Variants in TPH2 observed in about 807,000 individuals in gnomAD.
TPH2 encodes tryptophan 5-hydroxylase 2.
In TPH2, 27 loss-of-function variants were observed where a neutral mutation model predicts 59.1. The ratio of observed to expected loss-of-function variants is 0.46; its 90% CI spans 0.34 to 0.63. The LOEUF is 0.63. TPH2 is among the 30% of genes least tolerant of loss of function. The pLI, the probability that TPH2 is intolerant of heterozygous loss-of-function variation, is 0.01. For synonymous variants in TPH2, 220 were observed against 210.5 expected (o/e 1.05, Z -0.39); for missense variants, 523 against 588.3 (o/e 0.89, Z 1.15).
At chr12:71,990,815 C>T (rs911335861) in intron 7 of TPH2, among the ~76,000 whole-genome samples, 3 of 152,268 alleles carry the variant, frequency 2.0e-5, no homozygotes, top group Non-Finnish European at 2.9e-5. Flanking sequence ...AGGGTCTCTG[C>T]GTGGAAATGG....
intron 8 of TPH2, among the ~76,000 whole-genome samples, chr12:71,997,730 A>G (rs1203095258): frequency 2.0e-5 from 3 of 151,778 alleles, no homozygotes; most frequent in African/African-American, 7.2e-5. Context: ...TTAAATGGCT[A>G]AAGGATCCTA....
intron 7 of TPH2, among the ~76,000 whole-genome samples, chr12:71,992,556 A>T (rs1473490027): frequency 6.6e-6 from 1 of 151,946 alleles, no homozygotes; most frequent in Non-Finnish European, 1.5e-5. Flanking sequence ...ATGAGCTGTG[A>T]TTGCACTACT....
chr12:71,953,187 C>T (rs1871399292), intron 5 of TPH2, among the ~76,000 whole-genome samples: 1 of 151,436 alleles, frequency 6.6e-6, no homozygotes, highest in South Asian at 2.1e-4. Flanking sequence ...ACATGGGAAG[C>T]TGCCAAAATA....
intron 7 of TPH2, among the ~76,000 whole-genome samples, chr12:71,982,015 A>AATTTTTTTTTTTTTTTTTTTTTTT (rs1183784824): frequency 5.0e-5 from 3 of 60,506 alleles, no homozygotes; most frequent in Non-Finnish European, 1.0e-4. Context: ...TATCATTCGT[A>AATTTTTTTTTTTTTTTTTTTTTTT]TTTTTTTTTT....
intron 5 of TPH2, among the ~76,000 whole-genome samples, chr12:71,965,980 T>C (rs981938909): frequency 6.6e-6 from 1 of 152,158 alleles, no homozygotes; most frequent in South Asian, 2.1e-4. Flanking sequence ...TCTTGAGTGA[T>C]GAATTCCTTT....
rs1184653066 is a variant in TPH2 at position 72,032,078 on chromosome 12, C to T, written c.*383C>T. ...GTTCATTAGATAAAATGAAAAAAAG[C>T]AGTGAAGCTGTTTCCATTTTCAATA... On this transcript the variant is annotated 3_prime_UTR_variant, in exon 11 of 11. Coordinates refer to ENST00000333850, the MANE Select transcript of TPH2 (RefSeq NM_173353.4). The T allele has an allele frequency of 8.7e-6, 2 of 229,222 alleles. No homozygotes were observed. Among genetic ancestry groups the T allele is most frequent in the Non-Finnish European group, 1.8e-5 (2 of 113,846 alleles). The allele number at this position is 229,222 out of a possible 1,614,324, so 14.2% of individuals were successfully genotyped here. A position where few individuals can be genotyped will look rare whatever the true frequency, so the allele number is the denominator to read the frequency against.
chr12:71,977,526 T>A (rs1177873994), intron 6 of TPH2, among the ~76,000 whole-genome samples: 1 of 152,164 alleles, frequency 6.6e-6, no homozygotes, highest in Non-Finnish European at 1.5e-5. Flanking sequence ...GATATATTAA[T>A]GAACTTGAAT....
At chr12:71,990,487 G>C (rs767173564) in intron 7 of TPH2, among the ~76,000 whole-genome samples, 37 of 152,198 alleles carry the variant, frequency 2.4e-4, no homozygotes, top group Non-Finnish European at 4.6e-4. Context: ...GGTGACTTCA[G>C]CTTCTAAGTC....
intron 8 of TPH2, among the ~76,000 whole-genome samples, chr12:72,002,678 G>A (rs1379004524): frequency 6.6e-6 from 1 of 151,898 alleles, no homozygotes; most frequent in East Asian, 1.9e-4. Context: ...ACACATTTTA[G>A]GAGATATAAA....
chr12:71,939,139 G>T, intron 1 of TPH2, 48 bp downstream of exon 1: 2 of 1,411,020 alleles, frequency 1.4e-6, no homozygotes, highest in South Asian at 2.3e-5. Flanking sequence ...TTTAGGGTGT[G>T]ACCATCTTCT....
chr12:71,939,723 T>C (rs1871003906), intron 1 of TPH2, among the ~76,000 whole-genome samples: 1 of 152,224 alleles, frequency 6.6e-6, no homozygotes, highest in Non-Finnish European at 1.5e-5. Flanking sequence ...TAAGGGAGTT[T>C]TATGTTTATA....
intron 6 of TPH2, among the ~76,000 whole-genome samples, chr12:71,974,598 G>A (rs1366008116): frequency 1.3e-5 from 2 of 152,116 alleles, no homozygotes; most frequent in Non-Finnish European, 2.9e-5. Flanking sequence ...AGATCCTTAA[G>A]TTAATAACAT....
At chr12:71,988,439 G>T (rs902519738) in intron 7 of TPH2, among the ~76,000 whole-genome samples, 1 of 152,166 alleles carries the variant, frequency 6.6e-6, no homozygotes, top group African/African-American at 2.4e-5. Context: ...ACCTCAGGAA[G>T]CTTCCAATCA....
At chr12:71,982,818 G>T (rs1389705310) in intron 7 of TPH2, among the ~76,000 whole-genome samples, 1 of 152,202 alleles carries the variant, frequency 6.6e-6, no homozygotes, top group African/African-American at 2.4e-5. Context: ...GTAGAAATGA[G>T]CATGAAGCAA....
intron 1 of TPH2, among the ~76,000 whole-genome samples, chr12:71,939,470 A>G (rs543010344): frequency 6.6e-6 from 1 of 152,238 alleles, no homozygotes; most frequent in South Asian, 2.1e-4. Context: ...AGTAGGGAGA[A>G]CAAATTAAAT....
At chr12:71,948,005 G>T (rs1478123297) in intron 4 of TPH2, among the ~76,000 whole-genome samples, 2 of 152,038 alleles carry the variant, frequency 1.3e-5, no homozygotes, top group Non-Finnish European at 2.9e-5. Context: ...AATAATAAAG[G>T]TGCTTGGAAT....
At chr12:72,014,364 C>T (rs149917505) in intron 8 of TPH2, among the ~76,000 whole-genome samples, 162 of 151,690 alleles carry the variant, frequency 1.1e-3, no homozygotes, top group Middle Eastern at 6.8e-3. Context: ...TCTCTTGAAG[C>T]CTAGTCCCAG....
At chr12:71,972,451 T>C (rs1452444592) in intron 5 of TPH2, 68 bp from the exon 6 acceptor site, 6 of 1,487,256 alleles carry the variant, frequency 4.0e-6, no homozygotes, top group Non-Finnish European at 4.7e-6. Context: ...TGATAGGTAT[T>C]GAGGTGAGAA....
At chr12:71,986,305 G>A (rs1481976571) in intron 7 of TPH2, among the ~76,000 whole-genome samples, 1 of 152,136 alleles carries the variant, frequency 6.6e-6, no homozygotes, top group Non-Finnish European at 1.5e-5. Flanking sequence ...GGGATAATGT[G>A]CCTCATAAAA....
Sources: allele counts gnomAD v4.1 joint callset (sites outside exome capture counted in the v4.1 genomes callset), GRCh38; gene constraint gnomAD v4.1.1; transcripts MANE v1.5; gene names NCBI Gene and HGNC (gene_info 2026-07-23, HGNC 2026-07-21).